Variants in GABRB3 observed in about 807,000 individuals in gnomAD.
GABRB3 encodes gamma-aminobutyric acid receptor subunit beta-3.
A neutral mutation model predicts 52.1 loss-of-function variants in GABRB3; 14 were observed. The observed-to-expected ratio is 0.27, with a 90% CI of 0.18 to 0.42. GABRB3 has a LOEUF of 0.42. Ranked by LOEUF, GABRB3 falls within the 10% of genes least tolerant of loss-of-function variation. The pLI is 1.00. For missense variants in GABRB3, 307 were observed against 609.1 expected, an observed-to-expected ratio of 0.50 and a Z score of 5.22; for synonymous variants, 260 against 232.3, an observed-to-expected ratio of 1.12 and a Z score of -1.08.
chr15:26,571,933 A>C (rs1002525593), intron 6 of GABRB3, among the ~76,000 whole-genome samples: 2 of 151,836 alleles, frequency 1.3e-5, no homozygotes, highest in African/African-American at 4.8e-5. Flanking sequence ...CTATAATCCC[A>C]GCACTCAAGA....
At chr15:26,750,353 A>G (rs1278472507) in intron 3 of GABRB3, among the ~76,000 whole-genome samples, 1 of 152,228 alleles carries the variant, frequency 6.6e-6, no homozygotes, top group Non-Finnish European at 1.5e-5. Flanking sequence ...TTCACTACCA[A>G]GATACTGCCC....
Position 26,561,959 on chromosome 15 carries a change from C to T in GABRB3, c.836-783G>A, listed in dbSNP as rs190409685. Among the ~76,000 whole-genome samples the T allele has an allele frequency of 6.6e-5, 10 of 152,222 alleles. No homozygotes were observed. In the East Asian group the frequency reaches 1.5e-3, roughly 24 times the overall value. ...CTCATCAGATCCTTTTTTTAAATGT[C>T]GTTATGTTGAATTCTTTACATAGTA... On this transcript the variant is annotated intron_variant, in intron 7 of 8. Transcript: ENST00000311550.
intron 3 of GABRB3, among the ~76,000 whole-genome samples, chr15:26,626,758 T>C (rs1466427099): frequency 6.6e-6 from 1 of 152,188 alleles, no homozygotes; most frequent in East Asian, 1.9e-4. Flanking sequence ...GATTGGTTCA[T>C]GAGGTTTAAG....
chr15:26,688,724 T>C (rs1004658439), intron 3 of GABRB3, among the ~76,000 whole-genome samples: 2 of 152,212 alleles, frequency 1.3e-5, no homozygotes, highest in Non-Finnish European at 2.9e-5. Context: ...GAAGTCACTT[T>C]TGAGGAGTGG....
At chr15:26,699,490 CA>C (rs543375296) in intron 3 of GABRB3, among the ~76,000 whole-genome samples, 3,940 of 133,696 alleles carry the variant, frequency 0.029, 158 homozygotes, top group African/African-American at 0.095. Context: ...ATCGGTGAAT[CA>C]AAAAAAAAAA....
chr15:26,717,481 TACCCATC>T (rs1889527624), intron 3 of GABRB3, among the ~76,000 whole-genome samples: 1 of 152,212 alleles, frequency 6.6e-6, no homozygotes, highest in African/African-American at 2.4e-5. Flanking sequence ...TTCGATTACT[TACCCATC>T]ACCAAAACAG....
chr15:26,641,346 T>C lies in GABRB3; in HGVS notation c.241-19812A>G, dbSNP rs116772140. ...GGGAGACTCTGCAGAGAAGGCTTGCTTCAGCCAGCTGGCATTTCCCCCTCA... is the reference window on the plus strand; with the variant it reads ...GGGAGACTCTGCAGAGAAGGCTTGCCTCAGCCAGCTGGCATTTCCCCCTCA... On this transcript the variant is annotated intron_variant, in intron 3 of 8. Transcript: ENST00000311550. 2.8e-3 allele frequency among the ~76,000 whole-genome samples: 425 copies of C among 152,328 alleles called. 5 individuals carry two copies. Among genetic ancestry groups the C allele is most frequent in the African/African-American group, 9.4e-3 (391 of 41,576 alleles).
chr15:26,673,082 G>A lies in GABRB3; in HGVS notation c.241-51548C>T, dbSNP rs145650646. Among the ~76,000 whole-genome samples, 859 of 152,186 alleles carry A rather than the reference G, an allele frequency of 5.6e-3. 7 individuals are homozygous for A. Among genetic ancestry groups the A allele is most frequent in the African/African-American group, 0.019 (787 of 41,506 alleles). On this transcript the variant is annotated intron_variant, in intron 3 of 8. Coordinates refer to ENST00000311550, the MANE Select transcript of GABRB3 (RefSeq NM_000814.6). Reference sequence around the variant, plus strand: ...ATTGACCTCCTATCGTGTTTTCCTGGGGTCACTCTTTCTGGGACTAAATTC... The same window carrying A: ...ATTGACCTCCTATCGTGTTTTCCTGAGGTCACTCTTTCTGGGACTAAATTC...
At chr15:26,744,987 G>A (rs919090092) in intron 3 of GABRB3, among the ~76,000 whole-genome samples, 8 of 152,172 alleles carry the variant, frequency 5.3e-5, no homozygotes, top group African/African-American at 1.7e-4. Context: ...CATGGTGCTA[G>A]AGAGGCCTCG....
At chr15:26,599,028 A>G (rs1287515683) in intron 4 of GABRB3, among the ~76,000 whole-genome samples, 1 of 152,150 alleles carries the variant, frequency 6.6e-6, no homozygotes, top group Non-Finnish European at 1.5e-5. Context: ...CACATTTTGG[A>G]GAAGTGTGGA....
chr15:26,758,081 C>T (rs1228256974), intron 3 of GABRB3, among the ~76,000 whole-genome samples: 1 of 149,884 alleles, frequency 6.7e-6, no homozygotes, highest in African/African-American at 2.5e-5. Context: ...ATGCAAGTAG[C>T]CATACAGAAA....
intron 3 of GABRB3, among the ~76,000 whole-genome samples, chr15:26,722,620 G>A (rs1019435078): frequency 6.6e-6 from 1 of 152,118 alleles, no homozygotes; most frequent in East Asian, 1.9e-4. Flanking sequence ...CAGCATTGTC[G>A]TCCCTAAGTA....
chr15:26,665,829 C>T (rs1887693203), intron 3 of GABRB3, among the ~76,000 whole-genome samples: 1 of 152,006 alleles, frequency 6.6e-6, no homozygotes, highest in African/African-American at 2.4e-5. Context: ...CATATGACAG[C>T]AATAGGAAAA....
intron 3 of GABRB3, among the ~76,000 whole-genome samples, chr15:26,702,360 C>A (rs28519635): frequency 6.6e-6 from 1 of 152,054 alleles, no homozygotes; most frequent in African/African-American, 2.4e-5. Context: ...TGTAAGGAAC[C>A]CTTGAGATTC....
At chr15:26,693,713 T>C (rs1888653996) in intron 3 of GABRB3, among the ~76,000 whole-genome samples, 1 of 152,142 alleles carries the variant, frequency 6.6e-6, no homozygotes, top group Non-Finnish European at 1.5e-5. Context: ...GAGAGATAGA[T>C]ACAGAGAATC....
intron 3 of GABRB3, among the ~76,000 whole-genome samples, chr15:26,622,396 C>T (rs1169746885): frequency 1.3e-5 from 2 of 152,160 alleles, no homozygotes; most frequent in South Asian, 2.1e-4. Context: ...CATCACTACT[C>T]AGTTCTAGAA....
At chr15:26,756,634 G>C (rs12905396) in intron 3 of GABRB3, among the ~76,000 whole-genome samples, 39,846 of 151,880 alleles carry the variant, frequency 0.26, 5,463 homozygotes, top group African/African-American at 0.28. Context: ...TCCTGCACCT[G>C]ACACAATGTT....
rs567196898 is a variant in GABRB3, at chr15:26,726,681, T to C, written c.240+45721A>G. 4.6e-5 allele frequency among the ~76,000 whole-genome samples: 7 copies of C among 152,282 alleles called. No homozygotes were observed. In the South Asian group the frequency reaches 1.2e-3, roughly 27 times the overall value. Reference sequence around the variant, plus strand: ...AGAGGTGATGCTGTGCCCTTCTTGGTGATCATACAAGGAGGGACACGATGT... The same window carrying C: ...AGAGGTGATGCTGTGCCCTTCTTGGCGATCATACAAGGAGGGACACGATGT... On this transcript the variant is annotated intron_variant, in intron 3 of 8. Coordinates refer to ENST00000311550, the MANE Select transcript of GABRB3 (RefSeq NM_000814.6).
At chr15:26,683,498 G>T (rs149232953) in intron 3 of GABRB3, among the ~76,000 whole-genome samples, 2 of 152,310 alleles carry the variant, frequency 1.3e-5, no homozygotes, top group Non-Finnish European at 2.9e-5. Flanking sequence ...TGCTTTAAAA[G>T]GTTGGTGAAT....
Sources: allele counts gnomAD v4.1 joint callset (sites outside exome capture counted in the v4.1 genomes callset), GRCh38; gene constraint gnomAD v4.1.1; transcripts MANE v1.5; gene names NCBI Gene and HGNC (gene_info 2026-07-23, HGNC 2026-07-21).